TMEM87A: variants seen among roughly 807,000 people sequenced by gnomAD.
The protein encoded by TMEM87A is transmembrane protein 87A, also known as Golgi-pH regulating cation channel.
A neutral mutation model predicts 90.0 loss-of-function variants in TMEM87A; 50 were observed. The observed-to-expected ratio is 0.56, with a 90% confidence interval of 0.44 to 0.70. The LOEUF is 0.70. TMEM87A is among the 30% of genes least tolerant of loss of function. The pLI, the probability that TMEM87A is intolerant of heterozygous loss-of-function variation, is 0.00. For synonymous variants in TMEM87A, 226 were observed against 226.7 expected, an observed-to-expected ratio of 1.00 and a Z score of 0.03; for missense variants, 577 against 660.5, an observed-to-expected ratio of 0.87 and a Z score of 1.39.
chr15:42,254,496 C>G (rs28726146), intron 6 of TMEM87A, among the ~76,000 whole-genome samples: 3 of 152,096 alleles, frequency 2.0e-5, no homozygotes, highest in Admixed American at 1.3e-4. Context: ...TGTGATATAT[C>G]CAAACAATGG....
intron 12 of TMEM87A, among the ~76,000 whole-genome samples, chr15:42,230,151 A>G (rs569309957): frequency 9.8e-5 from 15 of 152,340 alleles, no homozygotes; most frequent in African/African-American, 3.6e-4. Flanking sequence ...AGAAGCAGAT[A>G]CAAAAATAAG....
intron 7 of TMEM87A, among the ~76,000 whole-genome samples, chr15:42,240,358 A>C (rs1294130484): frequency 6.6e-6 from 1 of 152,222 alleles, no homozygotes; most frequent in African/African-American, 2.4e-5. Context: ...CTAGCTTCAC[A>C]ATCAGGTACC....
At chr15:42,258,353 C>G (rs2140974642) in intron 6 of TMEM87A, 1 of 680,700 alleles carries the variant, frequency 1.5e-6, no homozygotes, top group Non-Finnish European at 1.8e-6. Flanking sequence ...CTATTTTCTT[C>G]TTTTCATTTA....
At chr15:42,263,971 T>C in intron 4 of TMEM87A, 119 bp downstream of exon 4, 1 of 698,140 alleles carries the variant, frequency 1.4e-6, no homozygotes, top group Non-Finnish European at 2.5e-6. Context: ...TATCAGAACA[T>C]GCTTCCACTT....
intron 1 of TMEM87A, 25 bp downstream of exon 1, chr15:42,273,230 A>T (rs1432125820): frequency 4.3e-6 from 7 of 1,613,494 alleles, no homozygotes; most frequent in Middle Eastern, 1.6e-4. Context: ...CTCTAGGTTC[A>T]GACGTTAGTG....
Position 42,227,851 on chromosome 15 carries a change from G to A in TMEM87A, c.1241-82C>T. ...ACATTCCCCCATTTCCGGTTAAGTGGAATCCCACACACCCCGAACCCCCAA... is the reference window on the plus strand; with the variant it reads ...ACATTCCCCCATTTCCGGTTAAGTGAAATCCCACACACCCCGAACCCCCAA... On this transcript the variant is annotated intron_variant, in intron 13 of 19. Transcript: ENST00000389834. 2.4e-6 allele frequency: 3 copies of A among 1,269,728 alleles called. No individual in the cohort carries two copies. In the South Asian group the frequency reaches 3.6e-5, roughly 15 times the overall value. 78.7% of individuals were successfully genotyped at this position (1,269,728 alleles called of 1,614,324 possible).
chr15:42,221,714 A>T (rs2050489171), intron 15 of TMEM87A, among the ~76,000 whole-genome samples: 1 of 152,126 alleles, frequency 6.6e-6, no homozygotes, highest in Non-Finnish European at 1.5e-5. Flanking sequence ...AAATAAAAAA[A>T]TTTTAAAAAT....
chr15:42,239,446 A>T (rs2050832836), intron 8 of TMEM87A, among the ~76,000 whole-genome samples: 1 of 152,210 alleles, frequency 6.6e-6, no homozygotes, highest in Non-Finnish European at 1.5e-5. Context: ...GTATTTCCAC[A>T]GGTCACTGAC....
At chr15:42,220,495 C>T (rs921172943) in intron 15 of TMEM87A, among the ~76,000 whole-genome samples, 10 of 152,196 alleles carry the variant, frequency 6.6e-5, no homozygotes, top group Admixed American at 6.5e-4. Context: ...AGAACAATAC[C>T]TGTCACATTC....
chr15:42,230,706 C>T (rs532864178), intron 12 of TMEM87A, among the ~76,000 whole-genome samples: 1 of 152,286 alleles, frequency 6.6e-6, no homozygotes, highest in Admixed American at 6.5e-5. Context: ...ACACTCACTC[C>T]ATAAGGGTTA....
intron 6 of TMEM87A, among the ~76,000 whole-genome samples, chr15:42,255,857 C>T (rs912883708): frequency 6.6e-6 from 1 of 151,500 alleles, no homozygotes; most frequent in Non-Finnish European, 1.5e-5. Context: ...GTAATCTCCA[C>T]CTCCTGGGTT....
At chr15:42,217,425 G>C (rs369232089) in intron 19 of TMEM87A, among the ~76,000 whole-genome samples, 2 of 152,126 alleles carry the variant, frequency 1.3e-5, no homozygotes, top group Admixed American at 6.5e-5. Context: ...TTTTGTTTTG[G>C]TCTACTATAT....
At chr15:42,234,382 A>G (rs2050738239) in intron 10 of TMEM87A, among the ~76,000 whole-genome samples, 1 of 152,194 alleles carries the variant, frequency 6.6e-6, no homozygotes, top group South Asian at 2.1e-4. Context: ...CATAGGCCTT[A>G]CCAATATTTG....
Position 42,220,071 on chromosome 15 carries a change from C to A in TMEM87A, c.1468G>T (p.Glu490Ter). Residue 490 changes from glutamate (E) to a stop codon, truncating the protein, a stop_gained, in exon 16 of 20, where the codon GAA becomes TAA. Coordinates refer to ENST00000389834, the MANE Select transcript of TMEM87A (RefSeq NM_015497.5). LOFTEE classifies it high-confidence loss of function. ...EDEQKEPMLKESFEGMKMRST... is the reference protein window; with the variant it reads ...EDEQKEPMLK ...TGAATTTTATTATTACCAAAGCTTT[C>A]TTTCAGCATAGGCTCCTTTTGTTCA... 5 of 1,599,996 alleles carry A rather than the reference C, an allele frequency of 3.1e-6. No homozygotes were observed. Among genetic ancestry groups the A allele is most frequent in the Non-Finnish European group, 4.3e-6 (5 of 1,176,142 alleles).
Position 42,261,551 on chromosome 15 carries a change from T to C in TMEM87A, c.406-302A>G, listed in dbSNP as rs887930139. Reference sequence around the variant, plus strand: ...ATGCTTAGGATAGAAGAAGCTTAGATCATTTCCCCTCATTCTACAGATGAG... The same window carrying C: ...ATGCTTAGGATAGAAGAAGCTTAGACCATTTCCCCTCATTCTACAGATGAG... On this transcript the variant is annotated intron_variant, in intron 4 of 19. Coordinates refer to ENST00000389834, the MANE Select transcript of TMEM87A (RefSeq NM_015497.5). Among the ~76,000 whole-genome samples the C allele has an allele frequency of 2.6e-5, 4 of 152,226 alleles. No homozygotes were observed. The East Asian group carries it at 7.7e-4, about 29-fold the overall frequency.
chr15:42,244,245 T>C, intron 6 of TMEM87A, 78 bp from the exon 7 acceptor site: 1 of 990,888 alleles, frequency 1.0e-6, no homozygotes, highest in Admixed American at 2.9e-5. Context: ...ATGCAAATTT[T>C]GCTCCAGAAT....
At chr15:42,244,769 G>T (rs181082202) in intron 6 of TMEM87A, among the ~76,000 whole-genome samples, 1 of 145,836 alleles carries the variant, frequency 6.9e-6, no homozygotes, top group East Asian at 2.2e-4. Flanking sequence ...GAGGGGTAGT[G>T]ACTCTTGCTT....
chr15:42,230,951 G>T (rs2050676150), intron 12 of TMEM87A, among the ~76,000 whole-genome samples: 1 of 151,912 alleles, frequency 6.6e-6, no homozygotes, highest in Non-Finnish European at 1.5e-5. Context: ...AAAGCCAAAA[G>T]ATTTTATCTC....
Position 42,211,462 on chromosome 15 carries a change from T to C in TMEM87A, c.*246A>G. 1 of 413,536 alleles carries C rather than the reference T, an allele frequency of 2.4e-6. No homozygotes were observed. 25.6% of individuals were successfully genotyped at this position (413,536 alleles called of 1,614,324 possible). ...TTGCATGAACATCCATGTCAGAGTC[T>C]GGGAGGAAAGGGGGCAGCAGTGTTG... On this transcript the variant is annotated 3_prime_UTR_variant, in exon 20 of 20. Transcript: ENST00000389834.
Sources: allele counts gnomAD v4.1 joint callset (sites outside exome capture counted in the v4.1 genomes callset), GRCh38; gene constraint gnomAD v4.1.1; transcripts MANE v1.5; gene names NCBI Gene and HGNC (gene_info 2026-07-23, HGNC 2026-07-21).